Variants in XKR4 observed in about 807,000 individuals in gnomAD.
XKR4 encodes XK related 4.
A neutral mutation model predicts 53.9 loss-of-function variants in XKR4; 12 were observed. That is an observed-to-expected ratio of 0.22 (90% CI 0.14 to 0.36). The LOEUF is 0.36. Ranked by LOEUF, XKR4 falls within the 10% of genes least tolerant of loss-of-function variation. The pLI is 1.00. For synonymous variants in XKR4, 354 were observed against 362.4 expected (o/e 0.98, Z 0.26); for missense variants, 799 against 859.5 (o/e 0.93, Z 0.88).
rs576112140 is a variant in XKR4, at chr8:55,476,182, A to G, written c.1007-47099A>G. 3.3e-5 allele frequency among the ~76,000 whole-genome samples: 5 copies of G among 152,208 alleles called. No homozygotes were observed. The South Asian group carries it at 1.0e-3, about 32-fold the overall frequency. ...GTACATTTTCACAGTTCTCCCAAGG[A>G]TAGAGTTAGTCTAAGGACCCCAACA... On this transcript the variant is annotated intron_variant, in intron 2 of 2. Transcript: ENST00000327381.
chr8:55,236,155 A>G (rs991965454), intron 1 of XKR4, among the ~76,000 whole-genome samples: 5 of 152,226 alleles, frequency 3.3e-5, no homozygotes, highest in African/African-American at 1.2e-4. Flanking sequence ...GGAGAAAAAT[A>G]AACACCAGTG....
chr8:55,421,868 A>G (rs1321145534), intron 2 of XKR4, among the ~76,000 whole-genome samples: 4 of 152,316 alleles, frequency 2.6e-5, no homozygotes, highest in East Asian at 1.9e-4. Flanking sequence ...CAGGTGGCAA[A>G]TGGTAGGGCT....
At chr8:55,279,715 G>A (rs1818810703) in intron 1 of XKR4, among the ~76,000 whole-genome samples, 1 of 152,148 alleles carries the variant, frequency 6.6e-6, no homozygotes, top group South Asian at 2.1e-4. Flanking sequence ...GTTCGCCTCA[G>A]CCCGTCAGCC....
rs147280126 is a variant in XKR4, at chr8:55,363,688, C to T, written c.1006+5811C>T. Among the ~76,000 whole-genome samples, 66 of 152,272 alleles carry T rather than the reference C, an allele frequency of 4.3e-4. 1 individual carries two copies. The highest frequency in any genetic ancestry group is 1.6e-3 in the African/African-American group (65 of 41,554). On this transcript the variant is annotated intron_variant, in intron 2 of 2. Coordinates refer to ENST00000327381, the MANE Select transcript of XKR4 (RefSeq NM_052898.2). Reference sequence around the variant, plus strand: ...AAATCCCAGTCACCCCTGTGCCCAACGCCTTCCTCCTTTGCCCCGTACCAC... The same window carrying T: ...AAATCCCAGTCACCCCTGTGCCCAATGCCTTCCTCCTTTGCCCCGTACCAC...
chr8:55,102,767 G>A lies in XKR4; in HGVS notation c.279G>A (p.Ser93=). The change falls in exon 1 of 3, where the codon TCG becomes TCA. Residue 93 remains serine, a synonymous_variant. Coordinates refer to ENST00000327381, the MANE Select transcript of XKR4 (RefSeq NM_052898.2). This position sits in a 1 kb window ranked among gnomAD's most constrained non-coding sequence, Gnocchi z 5.1. ...VAGPGGGGAG[S]AALCLRLGRE... is the part of the protein sequence containing the mutation. The stretch of plus-strand genomic sequence containing the variant: ...GCCCGGGCGGCGGCGGGGCGGGCTC[G>A]GCTGCGCTGTGCCTGCGCCTGGGCA... 1.3e-6 allele frequency: 2 copies of A among 1,484,548 alleles called. No individual in the cohort carries two copies. The highest frequency in any genetic ancestry group is 1.8e-6 in the Non-Finnish European group (2 of 1,122,562). 92.0% of individuals were successfully genotyped at this position (1,484,548 alleles called of 1,614,324 possible).
chr8:55,492,172 C>T (rs576822659), intron 2 of XKR4, among the ~76,000 whole-genome samples: 5 of 152,228 alleles, frequency 3.3e-5, no homozygotes, highest in Non-Finnish European at 7.4e-5. Context: ...AAGATACAGG[C>T]CTGTTCTGTT....
At chr8:55,497,229 A>T (rs16921907) in intron 2 of XKR4, among the ~76,000 whole-genome samples, 1 of 152,328 alleles carries the variant, frequency 6.6e-6, no homozygotes, top group Admixed American at 6.5e-5. Context: ...CAACACTAAA[A>T]GTCAAATAAG....
chr8:55,533,315 C>T lies in XKR4; in HGVS notation c.*9088C>T, dbSNP rs1161950050. Reference sequence around the variant, plus strand: ...TCTATTCAAATTGGGAGCAATAACACACCTTAACATAACCAAAAAAAGGAG... The same window carrying T: ...TCTATTCAAATTGGGAGCAATAACATACCTTAACATAACCAAAAAAAGGAG... On this transcript the variant is annotated 3_prime_UTR_variant, in exon 3 of 3. Transcript: ENST00000327381. The T allele has an allele frequency of 6.6e-6, 1 of 152,166 alleles. No individual in the cohort carries two copies. The highest frequency in any genetic ancestry group is 1.9e-4 in the East Asian group (1 of 5,200). The allele number at this position is 152,166 out of a possible 1,614,324, so 9.4% of individuals were successfully genotyped here.
chr8:55,263,926 G>A (rs992974549), intron 1 of XKR4, among the ~76,000 whole-genome samples: 4 of 152,134 alleles, frequency 2.6e-5, no homozygotes, highest in African/African-American at 9.7e-5. Flanking sequence ...TAGGAAAATG[G>A]TCATTGCAGG....
chr8:55,501,684 A>G (rs1265246284), intron 2 of XKR4, among the ~76,000 whole-genome samples: 1 of 94,108 alleles, frequency 1.1e-5, no homozygotes, highest in Non-Finnish European at 2.4e-5. Flanking sequence ...GTAAATACAT[A>G]CATATATATA....
chr8:55,332,894 C>G (rs1803401733), intron 1 of XKR4, among the ~76,000 whole-genome samples: 1 of 151,338 alleles, frequency 6.6e-6, no homozygotes, highest in Non-Finnish European at 1.5e-5. Context: ...TCTCATAAGT[C>G]CCTCAGGCTC....
At chr8:55,509,156 C>T (rs1051243877) in intron 2 of XKR4, among the ~76,000 whole-genome samples, 7 of 152,100 alleles carry the variant, frequency 4.6e-5, no homozygotes, top group South Asian at 2.1e-4. Context: ...CTCTGTCCTC[C>T]GCTGCCTGTT....
chr8:55,464,179 A>G (rs1188663076), intron 2 of XKR4, among the ~76,000 whole-genome samples: 2 of 152,186 alleles, frequency 1.3e-5, no homozygotes, highest in African/African-American at 4.8e-5. Context: ...ACAAAAAAAG[A>G]GAATTTTAGA....
chr8:55,178,431 G>T (rs1817261348), intron 1 of XKR4, among the ~76,000 whole-genome samples: 1 of 152,106 alleles, frequency 6.6e-6, no homozygotes, highest in South Asian at 2.1e-4. Flanking sequence ...GGTTAAAAGG[G>T]TTACTGAACG....
chr8:55,449,325 A>G (rs1177914868), intron 2 of XKR4, among the ~76,000 whole-genome samples: 2 of 152,170 alleles, frequency 1.3e-5, no homozygotes, highest in African/African-American at 2.4e-5. Context: ...TGACGCCGAA[A>G]TAAGTTAGGG....
chr8:55,462,958 C>A (rs1585588067), intron 2 of XKR4, among the ~76,000 whole-genome samples: 2 of 152,128 alleles, frequency 1.3e-5, no homozygotes, highest in South Asian at 4.2e-4. Flanking sequence ...AATACAGGAG[C>A]ACCCAGATTC....
chr8:55,361,211 A>C (rs1803900738), intron 2 of XKR4, among the ~76,000 whole-genome samples: 1 of 152,144 alleles, frequency 6.6e-6, no homozygotes, highest in South Asian at 2.1e-4. Flanking sequence ...TCCAGTTTAC[A>C]GGTCGTTATG....
intron 1 of XKR4, chr8:55,161,612 A>C (rs1044116235): frequency 2.2e-6 from 1 of 456,234 alleles, no homozygotes; most frequent in Non-Finnish European, 4.4e-6. Context: ...GACGAATAGT[A>C]GTACCAACTT....
At chr8:55,327,879 T>G (rs926111126) in intron 1 of XKR4, among the ~76,000 whole-genome samples, 11 of 152,140 alleles carry the variant, frequency 7.2e-5, no homozygotes, top group African/African-American at 2.7e-4. Flanking sequence ...GTTGCCAAAT[T>G]CACATGGATA....
Sources: allele counts gnomAD v4.1 joint callset (sites outside exome capture counted in the v4.1 genomes callset), GRCh38; gene constraint gnomAD v4.1.1; non-coding constraint Gnocchi (gnomAD v3.1); transcripts MANE v1.5; gene names NCBI Gene and HGNC (gene_info 2026-07-23, HGNC 2026-07-21).